Variants in GRM8 observed in about 807,000 individuals in gnomAD.
The protein encoded by GRM8 is glutamate metabotropic receptor 8.
Under a neutral mutation model 87.2 loss-of-function variants are expected in GRM8, and 47 were observed. The observed-to-expected ratio is 0.54, with a 90% CI of 0.43 to 0.69. GRM8 has a LOEUF of 0.69. Among genes scored for constraint, GRM8 ranks in the 30% least tolerant of loss-of-function variants. The probability of loss-of-function intolerance (pLI) is 0.00; values close to 1 mark genes in which losing one functional copy is unlikely to be tolerated. For synonymous variants in GRM8, 396 were observed against 404.5 expected (o/e 0.98, Z 0.25); for missense variants, 1,019 against 1,139.2 (o/e 0.89, Z 1.52).
chr7:126,467,378 T>C (rs1563037728), intron 9 of GRM8, among the ~76,000 whole-genome samples: 2 of 152,190 alleles, frequency 1.3e-5, no homozygotes, highest in Non-Finnish European at 2.9e-5. Context: ...CATTTTTCTA[T>C]TACTAGTTTT....
intron 2 of GRM8, among the ~76,000 whole-genome samples, chr7:127,153,835 T>G (rs1036118315): frequency 2.6e-5 from 4 of 152,126 alleles, no homozygotes; most frequent in Admixed American, 6.6e-5. Flanking sequence ...ATACTGGCCT[T>G]CTTTTAGGTT....
chr7:127,032,762 G>T (rs930190464), intron 3 of GRM8, among the ~76,000 whole-genome samples: 1 of 152,036 alleles, frequency 6.6e-6, no homozygotes, highest in Non-Finnish European at 1.5e-5. Context: ...TTCCAGATTT[G>T]GGTACAAGAG....
At chr7:127,166,412 C>T (rs1458594117) in intron 2 of GRM8, among the ~76,000 whole-genome samples, 1 of 152,048 alleles carries the variant, frequency 6.6e-6, no homozygotes, top group Non-Finnish European at 1.5e-5. Context: ...CTTTGCCAGC[C>T]AGGAACTCAG....
At chr7:126,869,631 A>C (rs778242703) in intron 6 of GRM8, 1 of 152,216 alleles carries the variant, frequency 6.6e-6, no homozygotes, top group African/African-American at 2.4e-5. Context: ...GACCAGGTAC[A>C]TTGTCAATGA....
chr7:126,545,605 T>C (rs548420189), intron 8 of GRM8, among the ~76,000 whole-genome samples: 2 of 152,334 alleles, frequency 1.3e-5, no homozygotes, highest in Non-Finnish European at 2.9e-5. Flanking sequence ...AGTACTATAG[T>C]ATTCATGTTT....
intron 2 of GRM8, among the ~76,000 whole-genome samples, chr7:127,177,167 A>G (rs997405542): frequency 6.6e-6 from 1 of 152,130 alleles, no homozygotes; most frequent in Non-Finnish European, 1.5e-5. Flanking sequence ...GGGTGGGGGC[A>G]CAGTGGGAGT....
intron 2 of GRM8, among the ~76,000 whole-genome samples, chr7:127,213,395 C>T (rs891743767): frequency 1.6e-4 from 24 of 151,956 alleles, no homozygotes; most frequent in African/African-American, 5.8e-4. Context: ...TGTAAAATAC[C>T]TCAATAATTT....
intron 3 of GRM8, among the ~76,000 whole-genome samples, chr7:126,993,127 A>G (rs1279018602): frequency 6.6e-6 from 1 of 152,180 alleles, no homozygotes; most frequent in Non-Finnish European, 1.5e-5. Flanking sequence ...AGATTTTTCT[A>G]TAAACTCAGT....
intron 7 of GRM8, among the ~76,000 whole-genome samples, chr7:126,678,388 A>T (rs1807212639): frequency 6.6e-6 from 1 of 152,332 alleles, no homozygotes; most frequent in South Asian, 2.1e-4. Context: ...GTCATGTTGT[A>T]ACTGCTGAGT....
At chr7:126,548,077 T>C (rs1267703406) in intron 8 of GRM8, among the ~76,000 whole-genome samples, 1 of 152,064 alleles carries the variant, frequency 6.6e-6, no homozygotes, top group East Asian at 1.9e-4. Context: ...AGCTGTGCTG[T>C]CCACCTAGAC....
At chr7:127,099,398 A>G (rs1586999401) in intron 3 of GRM8, among the ~76,000 whole-genome samples, 1 of 152,322 alleles carries the variant, frequency 6.6e-6, no homozygotes, top group East Asian at 1.9e-4. Context: ...AGGTGTCATC[A>G]AAGAGAAGCT....
intron 6 of GRM8, among the ~76,000 whole-genome samples, chr7:126,846,526 T>C (rs563684399): frequency 6.6e-6 from 1 of 152,336 alleles, no homozygotes; most frequent in East Asian, 1.9e-4. Context: ...AACAAAATTT[T>C]CTGTAATGAG....
chr7:126,576,349 C>G (rs1351467186), intron 8 of GRM8, among the ~76,000 whole-genome samples: 1 of 152,098 alleles, frequency 6.6e-6, no homozygotes, highest in Non-Finnish European at 1.5e-5. Context: ...GCGATGTGAT[C>G]TCCACCCACT....
At chr7:127,126,360 A>C (rs1177075067) in intron 2 of GRM8, among the ~76,000 whole-genome samples, 1 of 151,994 alleles carries the variant, frequency 6.6e-6, no homozygotes, top group Non-Finnish European at 1.5e-5. Flanking sequence ...CATTGTCTTA[A>C]GTGAAATTAC....
At chr7:126,711,427 T>C (rs945467345) in intron 7 of GRM8, among the ~76,000 whole-genome samples, 7 of 152,222 alleles carry the variant, frequency 4.6e-5, no homozygotes, top group African/African-American at 1.7e-4. Flanking sequence ...AATCATGCTA[T>C]AAACAAATAT....
intron 7 of GRM8, among the ~76,000 whole-genome samples, chr7:126,696,287 C>T (rs1170880723): frequency 6.6e-6 from 1 of 152,100 alleles, no homozygotes; most frequent in African/African-American, 2.4e-5. Context: ...CACAGGTAAA[C>T]GTCTGTCATG....
chr7:126,689,820 G>A (rs754278654), intron 7 of GRM8, among the ~76,000 whole-genome samples: 2 of 152,178 alleles, frequency 1.3e-5, no homozygotes, highest in Non-Finnish European at 2.9e-5. Flanking sequence ...GCTTCTGCAT[G>A]ACCATGGGTA....
At chr7:126,489,799 G>A (rs553675354) in intron 9 of GRM8, among the ~76,000 whole-genome samples, 1 of 152,108 alleles carries the variant, frequency 6.6e-6, no homozygotes, top group South Asian at 2.1e-4. Flanking sequence ...CTGAAGAGAT[G>A]AGCATGCAAA....
intron 3 of GRM8, among the ~76,000 whole-genome samples, chr7:127,026,171 C>T (rs1049814792): frequency 2.6e-5 from 4 of 152,134 alleles, no homozygotes; most frequent in African/African-American, 9.7e-5. Flanking sequence ...GTGCAAAGGA[C>T]ACAAACTCAT....
Sources: allele counts gnomAD v4.1 joint callset (sites outside exome capture counted in the v4.1 genomes callset), GRCh38; gene constraint gnomAD v4.1.1; transcripts MANE v1.5; gene names NCBI Gene and HGNC (gene_info 2026-07-23, HGNC 2026-07-21).